Variants in LGI2 observed in about 807,000 individuals in gnomAD.
The protein encoded by LGI2 is leucine rich repeat LGI family member 2.
A neutral mutation model predicts 52.0 loss-of-function variants in LGI2; 30 were observed. The ratio of observed to expected loss-of-function variants is 0.58; its 90% CI spans 0.43 to 0.78. The LOEUF is 0.78. LGI2 is among the 30% of genes least tolerant of loss of function. LGI2 has a pLI of 0.00. For missense variants in LGI2, 573 were observed against 692.5 expected, an observed-to-expected ratio of 0.83 and a Z score of 1.94; for synonymous variants, 270 against 271.8, an observed-to-expected ratio of 0.99 and a Z score of 0.06.
rs1725305398 is a variant in LGI2 at position 25,003,449 on chromosome 4, C to T, written c.*2G>A. On this transcript the variant is annotated 3_prime_UTR_variant, in exon 8 of 8. Transcript: ENST00000382114. ...TTTCTCTTAGTTTCACCCACCACAC[C>T]TTCACAAACTTAAGTCAACAATTAT... 1.9e-6 allele frequency: 3 copies of T among 1,564,626 alleles called. No individual in the cohort carries two copies. Among genetic ancestry groups the T allele is most frequent in the African/African-American group, 2.8e-5 (2 of 72,630 alleles).
intron 4 of LGI2, among the ~76,000 whole-genome samples, chr4:25,024,347 C>T (rs555641372): frequency 6.6e-6 from 1 of 152,302 alleles, no homozygotes; most frequent in Admixed American, 6.5e-5. Flanking sequence ...GGCCCCGTCT[C>T]TACTAAAAAT....
intron 4 of LGI2, among the ~76,000 whole-genome samples, chr4:25,022,385 G>A (rs1179669045): frequency 3.3e-5 from 5 of 152,136 alleles, no homozygotes; most frequent in East Asian, 1.9e-4. Context: ...GGGGAGCGCC[G>A]AAAGCTTGAT....
In LGI2 at chr4:25,024,891, C is replaced by T. The variant is rs1013528931; in HGVS notation, c.342G>A (p.Leu114=). 1.3e-6 allele frequency: 2 copies of T among 1,592,710 alleles called. No individual in the cohort carries two copies. Among genetic ancestry groups the T allele is most frequent in the Non-Finnish European group, 1.7e-6 (2 of 1,171,208 alleles). ...AFAGLFHLEY[L]FIEGNKIETI... is the part of the protein sequence containing the mutation. ...TTTCTATTTTGTTCCCTTCAATGAA[C>T]CTAAGAGGAAAAGTTGTATAATTAA... The change falls in exon 4 of 8, where the codon CTG becomes CTA. Residue 114 remains leucine (L), a splice_region_variant and synonymous_variant. Transcript: ENST00000382114.
At chr4:24,992,706 G>A in the LGI2 span, among the ~76,000 whole-genome samples, 4 of 152,072 alleles carry the variant, frequency 2.6e-5, no homozygotes, top group African/African-American at 9.7e-5. Flanking sequence ...AAAAGGCTGG[G>A]ATTAGACAGC....
At position 25,009,409 on chromosome 4, in the gene LGI2, T is replaced by C. The variant is rs538449032; in HGVS notation, c.820+2926A>G. ...CAGGTCTTATTCAAGTAGCACCTTC[T>C]TGATGAGGCCTCTCCTGGACCCTCT... On this transcript the variant is annotated intron_variant, in intron 7 of 7. Transcript: ENST00000382114. Among the ~76,000 whole-genome samples the C allele has an allele frequency of 2.6e-5, 4 of 152,308 alleles. No individual in the cohort carries two copies. In the East Asian group the frequency reaches 7.7e-4, roughly 29 times the overall value.
chr4:25,011,164 G>A (rs1725571650), intron 7 of LGI2, among the ~76,000 whole-genome samples: 1 of 151,966 alleles, frequency 6.6e-6, no homozygotes, highest in Non-Finnish European at 1.5e-5. Flanking sequence ...GAGAGGAGGA[G>A]AAAAGGCAGA....
chr4:25,017,541 C>CAAAAAAAAAAAAAA (rs66740392), intron 6 of LGI2, among the ~76,000 whole-genome samples: 1 of 53,242 alleles, frequency 1.9e-5, no homozygotes, highest in African/African-American at 8.1e-5. Flanking sequence ...GACTCTGCCT[C>CAAAAAAAAAAAAAA]AAAAAAAAAA....
chr4:25,010,909 C>G (rs948822278), intron 7 of LGI2, among the ~76,000 whole-genome samples: 23 of 151,898 alleles, frequency 1.5e-4, no homozygotes, highest in Admixed American at 1.4e-3. Context: ...ATAGTGAGAC[C>G]CTGTCTCTAC....
At chr4:25,030,166 A>T (rs1415774703) in intron 1 of LGI2, among the ~76,000 whole-genome samples, 1 of 151,868 alleles carries the variant, frequency 6.6e-6, no homozygotes, top group Admixed American at 6.6e-5. Flanking sequence ...TCAAACGCAC[A>T]CTCCAGGACT....
Position 25,000,662 on chromosome 4 carries a change from A to G in LGI2, c.*2789T>C, listed in dbSNP as rs10021280. 72,217 of 152,090 alleles carry G rather than the reference A, an allele frequency of 0.47. 17,678 individuals carry two copies. The highest frequency in any genetic ancestry group is 0.77 in the East Asian group (3,994 of 5,172). 9.4% of individuals were successfully genotyped at this position (152,090 alleles called of 1,614,324 possible). Reference sequence around the variant, plus strand: ...GGATCAGTCCAGGAGCCTCGCCACAAAGTTCATAAAGAAGAAATAAGCTGA... The same window carrying G: ...GGATCAGTCCAGGAGCCTCGCCACAGAGTTCATAAAGAAGAAATAAGCTGA... On this transcript the variant is annotated 3_prime_UTR_variant, in exon 8 of 8. Coordinates refer to ENST00000382114, the MANE Select transcript of LGI2 (RefSeq NM_018176.4).
intron 6 of LGI2, among the ~76,000 whole-genome samples, chr4:25,013,527 C>A (rs878876500): frequency 2.0e-5 from 3 of 152,150 alleles, no homozygotes; most frequent in Admixed American, 2.0e-4. Context: ...GTAGACAGTC[C>A]ATATTTAGTA....
intron 2 of LGI2, among the ~76,000 whole-genome samples, chr4:25,027,447 C>T (rs762474286): frequency 2.0e-5 from 3 of 150,656 alleles, no homozygotes; most frequent in South Asian, 2.1e-4. Flanking sequence ...ACTGTTACTA[C>T]GTAGTTTTCT....
At chr4:24,992,560 AAAAAAAT>A in the LGI2 span, among the ~76,000 whole-genome samples, 1 of 152,096 alleles carries the variant, frequency 6.6e-6, no homozygotes, top group Admixed American at 6.5e-5. Context: ...CTAAAAATAA[AAAAAAAT>A]AAAAAATAAA....
intron 1 of LGI2, among the ~76,000 whole-genome samples, chr4:25,030,050 T>G (rs1726277262): frequency 6.6e-6 from 1 of 152,010 alleles, no homozygotes; most frequent in Non-Finnish European, 1.5e-5. Context: ...CGTGTTCAGC[T>G]GCTCCTATGC....
In LGI2 at chr4:25,000,070, A is replaced by C. The variant is rs1021377375; in HGVS notation, c.*3381T>G. The C allele has an allele frequency of 1.8e-5, 5 of 281,612 alleles. No individual in the cohort carries two copies. Among genetic ancestry groups the C allele is most frequent in the African/African-American group, 1.1e-4 (5 of 44,316 alleles). The allele number at this position is 281,612 out of a possible 1,614,324, so 17.4% of individuals were successfully genotyped here. ...TTCAAGAGTGGGGCCTTGAATGTAAAAAGAGTGGGGCATGCAATTGCATGT... is the reference window on the plus strand; with the variant it reads ...TTCAAGAGTGGGGCCTTGAATGTAACAAGAGTGGGGCATGCAATTGCATGT... On this transcript the variant is annotated 3_prime_UTR_variant, in exon 8 of 8. Transcript: ENST00000382114.
At position 25,012,505 on chromosome 4, in the gene LGI2, G is replaced by A. The variant is rs16876599; in HGVS notation, c.656-6C>T. 14,336 of 1,612,144 alleles carry A rather than the reference G, an allele frequency of 8.9e-3. 693 individuals are homozygous for A. The African/African-American group carries it at 0.13, about 15-fold the overall frequency. The stretch of plus-strand genomic sequence containing the variant: ...AGTCTGATGAACAACAAAATCTGGG[G>A]ATGGGTGTTTAAAAAGAAAAGCGTT... On this transcript the variant is annotated splice_polypyrimidine_tract_variant and splice_region_variant and intron_variant, in intron 6 of 7. Transcript: ENST00000382114.
intron 1 of LGI2, 27 bp downstream of exon 1, chr4:25,030,457 TGGGGCGGGACGGG>T: frequency 8.1e-7 from 1 of 1,230,228 alleles, no homozygotes. Context: ...GGACGCAGGG[TGGGGCGGGACGGG>T]ATGGGGGCTG....
chr4:25,003,915 G>T lies in LGI2; in HGVS notation c.1174C>A (p.Arg392Ser). The T allele has an allele frequency of 6.2e-7, 1 of 1,614,148 alleles. No homozygotes were observed. Among genetic ancestry groups the T allele is most frequent in the Non-Finnish European group, 8.5e-7 (1 of 1,180,018 alleles). ...TGGAGGATGATGGGGACCTGGGAGC[G>T]GCTGGACAGGATGAGATGCGATTTT... The part of the protein sequence containing the change: ...DGKSHLILSS[R>S]SQVPIILQWN... The change falls in exon 8 of 8, where the codon CGC becomes AGC. Residue 392 changes from arginine (R) to serine (S), a missense_variant. Arg to Ser is a moderately radical substitution (Grantham distance 110). Coordinates refer to ENST00000382114, the MANE Select transcript of LGI2 (RefSeq NM_018176.4).
chr4:25,012,886 C>T (rs1428060820), intron 6 of LGI2, among the ~76,000 whole-genome samples: 4 of 152,246 alleles, frequency 2.6e-5, no homozygotes, highest in African/African-American at 9.6e-5. Flanking sequence ...GCGGGGGCTG[C>T]GGTCCAGTGA....
Sources: allele counts gnomAD v4.1 joint callset (sites outside exome capture counted in the v4.1 genomes callset), GRCh38; gene constraint gnomAD v4.1.1; transcripts MANE v1.5; gene names NCBI Gene and HGNC (gene_info 2026-07-23, HGNC 2026-07-21).